The following TBC1D32 variants were observed in gnomAD, a reference collection of about 807,000 sequenced individuals.
TBC1D32 encodes the protein TBC1 domain family member 32.
A neutral mutation model predicts 170.3 loss-of-function variants in TBC1D32; 151 were observed. That is an observed-to-expected ratio of 0.89 (90% CI 0.78 to 1.01). The LOEUF (loss-of-function observed/expected upper bound fraction) is 1.01, where lower values mean the gene tolerates loss of function less well. Ranked by LOEUF, TBC1D32 falls within the 50% of genes least tolerant of loss-of-function variation. The probability of loss-of-function intolerance (pLI) is 0.00; values close to 1 mark genes in which losing one functional copy is unlikely to be tolerated. For missense variants in TBC1D32, 1,464 were observed against 1,457.1 expected, an observed-to-expected ratio of 1.00 and a Z score of -0.08; for synonymous variants, 498 against 488.0, an observed-to-expected ratio of 1.02 and a Z score of -0.27.
intron 24 of TBC1D32, among the ~76,000 whole-genome samples, chr6:121,140,278 C>T (rs1782626150): frequency 6.6e-6 from 1 of 151,230 alleles, no homozygotes; most frequent in Admixed American, 6.6e-5. Context: ...ATATACCTCC[C>T]CCCACCCTGA....
At chr6:121,322,001 C>T (rs941063845) in intron 1 of TBC1D32, among the ~76,000 whole-genome samples, 7 of 151,668 alleles carry the variant, frequency 4.6e-5, no homozygotes, top group Non-Finnish European at 7.4e-5. Context: ...TAAAGATTAC[C>T]ACAGTAGGGA....
At chr6:121,295,110 C>T (rs1243301010) in intron 10 of TBC1D32, among the ~76,000 whole-genome samples, 1 of 151,762 alleles carries the variant, frequency 6.6e-6, no homozygotes, top group Non-Finnish European at 1.5e-5. Flanking sequence ...AAAGAAAATT[C>T]TCATAATTCA....
intron 22 of TBC1D32, among the ~76,000 whole-genome samples, chr6:121,189,025 A>G (rs567798676): frequency 5.3e-5 from 8 of 152,322 alleles, no homozygotes; most frequent in African/African-American, 1.9e-4. Context: ...TTTTATCTCT[A>G]ATGTAACAAA....
intron 24 of TBC1D32, among the ~76,000 whole-genome samples, chr6:121,137,622 A>G (rs1412068382): frequency 1.3e-5 from 2 of 151,962 alleles, no homozygotes; most frequent in Non-Finnish European, 1.5e-5. Flanking sequence ...ATTCTTTGTT[A>G]TGGTAAGCAT....
At chr6:121,328,717 A>T (rs1810804701) in intron 1 of TBC1D32, among the ~76,000 whole-genome samples, 1 of 152,216 alleles carries the variant, frequency 6.6e-6, no homozygotes, top group Admixed American at 6.5e-5. Context: ...TTGCAACCTT[A>T]GGCAAAACAC....
At chr6:121,334,634 T>A, upstream of TBC1D32, 1 of 614,744 alleles carries the variant, frequency 1.6e-6, no homozygotes. Flanking sequence ...GAAGCAGGGG[T>A]CCGCGAGGTC....
intron 13 of TBC1D32, among the ~76,000 whole-genome samples, chr6:121,283,371 G>GT (rs1400759126): frequency 6.6e-6 from 1 of 151,706 alleles, no homozygotes; most frequent in Non-Finnish European, 1.5e-5. Context: ...AACATGAACG[G>GT]TTTTTTCTTT....
intron 10 of TBC1D32, among the ~76,000 whole-genome samples, chr6:121,295,586 G>A (rs1805501903): frequency 1.3e-5 from 2 of 151,898 alleles, no homozygotes; most frequent in South Asian, 4.2e-4. Flanking sequence ...ATGTTACTGG[G>A]GGAAGCCAAC....
chr6:121,187,735 G>T (rs147619977), intron 22 of TBC1D32, among the ~76,000 whole-genome samples: 112 of 125,602 alleles, frequency 8.9e-4, no homozygotes, highest in African/African-American at 3.3e-3. Context: ...GAAATCCCAT[G>T]AAGGCTGATG....
chr6:121,123,830 T>C (rs1780539988), intron 26 of TBC1D32, among the ~76,000 whole-genome samples: 1 of 151,962 alleles, frequency 6.6e-6, no homozygotes, highest in South Asian at 2.1e-4. Context: ...TTTGCATTTA[T>C]TTTTTTCTGC....
At chr6:121,286,781 C>G (rs545023090) in intron 12 of TBC1D32, among the ~76,000 whole-genome samples, 3 of 152,112 alleles carry the variant, frequency 2.0e-5, no homozygotes, top group African/African-American at 7.2e-5. Context: ...AAAGGGAAGC[C>G]CATCAGACTA....
At position 121,292,105 on chromosome 6, in the gene TBC1D32, C is replaced by G. The variant is rs1401154432; in HGVS notation, c.1320G>C (p.Leu440Phe). Residue 440 changes from leucine to phenylalanine, a missense_variant, in exon 12 of 32, where the codon TTG (leucine) becomes TTC (phenylalanine). This residue lies in a region of TBC1D32 where 1,363 missense variants were observed against 1,338.1 expected (regional missense o/e 1.02). Transcript: ENST00000398212. Reference sequence around the variant, plus strand: ...ATAGTTTTCTGCCTTGTTTATAGATCAATAATCTTCCTAAAAGGCACAGTG... The same window carrying G: ...ATAGTTTTCTGCCTTGTTTATAGATGAATAATCTTCCTAAAAGGCACAGTG... ...IHSLCLLGRL[L>F]IYKQGRKLFP... The G allele has an allele frequency of 1.2e-6, 2 of 1,600,828 alleles. No individual in the cohort carries two copies. Among genetic ancestry groups the G allele is most frequent in the East Asian group, 2.3e-5 (1 of 44,366 alleles).
chr6:121,260,557 A>G (rs74995329), intron 15 of TBC1D32, among the ~76,000 whole-genome samples: 4,993 of 152,258 alleles, frequency 0.033, 194 homozygotes, highest in East Asian at 0.12. Flanking sequence ...ACACAGGGCA[A>G]GGAGCTGCCT....
In TBC1D32 at chr6:121,232,622, T is replaced by C. The variant is rs149497340; in HGVS notation, c.2364+6448A>G. ...CAGCAGTGTTTTGTAGTTTTCCCTG[T>C]AGAGGTCTTTCATGTCTTTGGTTAG... On this transcript the variant is annotated intron_variant, in intron 20 of 31. Coordinates refer to ENST00000398212, the MANE Select transcript of TBC1D32 (RefSeq NM_152730.6). 8.5e-5 allele frequency among the ~76,000 whole-genome samples: 13 copies of C among 152,270 alleles called. No individual in the cohort carries two copies. In the East Asian group the frequency reaches 1.7e-3, roughly 20 times the overall value.
chr6:121,115,415 A>G (rs1197187174), intron 26 of TBC1D32, 174 bp from the exon 27 acceptor site: 1 of 442,408 alleles, frequency 2.3e-6, no homozygotes. Flanking sequence ...GAATTAACAG[A>G]AAACTTTTTA....
intron 21 of TBC1D32, among the ~76,000 whole-genome samples, chr6:121,206,660 T>G (rs1200692535): frequency 6.6e-6 from 1 of 152,196 alleles, no homozygotes; most frequent in Non-Finnish European, 1.5e-5. Flanking sequence ...ATATTTACCA[T>G]TCTATAGATT....
intron 20 of TBC1D32, among the ~76,000 whole-genome samples, chr6:121,229,088 A>G (rs987263648): frequency 6.6e-6 from 1 of 151,784 alleles, no homozygotes; most frequent in African/African-American, 2.4e-5. Context: ...TATTTTTTCC[A>G]TCCAACTTAT....
intron 31 of TBC1D32, among the ~76,000 whole-genome samples, chr6:121,088,401 G>A (rs1260667895): frequency 6.6e-6 from 1 of 152,100 alleles, no homozygotes; most frequent in Admixed American, 6.6e-5. Context: ...ATTTTTGACA[G>A]GGGATGTTTC....
intron 29 of TBC1D32, among the ~76,000 whole-genome samples, chr6:121,107,989 A>C (rs1468111530): frequency 6.6e-6 from 1 of 152,088 alleles, no homozygotes; most frequent in Non-Finnish European, 1.5e-5. Context: ...AGTTTGCCAT[A>C]CTTTGTGGTA....
Sources: gnomAD v4.1 joint callset for allele counts (sites outside exome capture counted in the v4.1 genomes callset) on GRCh38, gnomAD v4.1.1 for gene constraint, gnomAD v4.1.1 regional missense constraint, MANE v1.5 for transcripts, NCBI Gene and HGNC (gene_info 2026-07-23, HGNC 2026-07-21) for gene names.